The following GNB1L variants were observed in gnomAD, a reference collection of about 807,000 sequenced individuals.
GNB1L encodes the protein guanine nucleotide-binding protein subunit beta-like protein 1.
A neutral mutation model predicts 29.1 loss-of-function variants in GNB1L; 20 were observed. That is an observed-to-expected ratio of 0.69 (90% CI 0.48 to 1.00). The LOEUF (loss-of-function observed/expected upper bound fraction) is 1.00, where lower values mean the gene tolerates loss of function less well. Among genes scored for constraint, GNB1L ranks in the 50% least tolerant of loss-of-function variants. The probability of loss-of-function intolerance (pLI) is 0.00; values close to 1 mark genes in which losing one functional copy is unlikely to be tolerated. For missense variants in GNB1L, 421 were observed against 464.9 expected, an observed-to-expected ratio of 0.91 and a Z score of 0.87; for synonymous variants, 193 against 206.5, an observed-to-expected ratio of 0.93 and a Z score of 0.56.
intron 7 of GNB1L, among the ~76,000 whole-genome samples, chr22:19,789,407 C>T (rs1454001745): frequency 1.3e-5 from 2 of 152,184 alleles, no homozygotes; most frequent in Non-Finnish European, 2.9e-5. Flanking sequence ...GTGAGAAATA[C>T]AAACTCCATT....
chr22:19,792,136 T>G (rs547469783), intron 7 of GNB1L, among the ~76,000 whole-genome samples: 1 of 152,316 alleles, frequency 6.6e-6, no homozygotes, highest in East Asian at 1.9e-4. Flanking sequence ...GTAGACATGC[T>G]AAGAAGCAGG....
intron 2 of GNB1L, among the ~76,000 whole-genome samples, chr22:19,854,057 T>C (rs1938176485): frequency 1.3e-5 from 2 of 152,214 alleles, no homozygotes; most frequent in African/African-American, 4.8e-5. Context: ...CCAGGCCTGC[T>C]TTGGGCCTGA....
intron 7 of GNB1L, among the ~76,000 whole-genome samples, chr22:19,800,485 G>C (rs1937356621): frequency 6.6e-6 from 1 of 152,178 alleles, no homozygotes; most frequent in Admixed American, 6.5e-5. Context: ...GAGTGCAAGG[G>C]AGACGCCCCT....
At chr22:19,793,450 T>C (rs1937273786) in intron 7 of GNB1L, among the ~76,000 whole-genome samples, 1 of 152,178 alleles carries the variant, frequency 6.6e-6, no homozygotes, top group Admixed American at 6.5e-5. Flanking sequence ...GGCCATGGGA[T>C]GCTATCAAAC....
chr22:19,847,048 G>A, intron 2 of GNB1L: 1 of 985,446 alleles, frequency 1.0e-6, no homozygotes, highest in Non-Finnish European at 1.2e-6. Context: ...ATGATCAGCT[G>A]CTGCCGTCCT....
intron 2 of GNB1L, among the ~76,000 whole-genome samples, chr22:19,825,786 T>C (rs889308814): frequency 6.7e-6 from 1 of 150,332 alleles, no homozygotes; most frequent in Non-Finnish European, 1.5e-5. Flanking sequence ...CAGACCCCCA[T>C]CTCTACAAAA....
chr22:19,849,462 G>T, intron 2 of GNB1L: 1 of 315,366 alleles, frequency 3.2e-6, no homozygotes, highest in Non-Finnish European at 4.6e-6. Flanking sequence ...TCTGCCTCCT[G>T]GGTTCAAGCA....
At chr22:19,850,029 A>G in intron 2 of GNB1L, 3 of 985,600 alleles carry the variant, frequency 3.0e-6, no homozygotes, top group Non-Finnish European at 3.6e-6. Flanking sequence ...CTTCACCTAC[A>G]GCTCTCGGAA....
chr22:19,821,405 C>T, intron 2 of GNB1L, 30 bp from the exon 3 acceptor site: 1 of 1,599,138 alleles, frequency 6.3e-7, no homozygotes, highest in Non-Finnish European at 8.5e-7. Flanking sequence ...GTGTGAGTGA[C>T]TGCGTCCCTA....
At chr22:19,793,604 A>G (rs1356213338) in intron 7 of GNB1L, among the ~76,000 whole-genome samples, 2 of 152,208 alleles carry the variant, frequency 1.3e-5, no homozygotes, top group African/African-American at 4.8e-5. Context: ...AAGAAGAAAA[A>G]TCTATCTAGG....
chr22:19,814,133 A>G (rs1937516574), intron 4 of GNB1L, among the ~76,000 whole-genome samples: 2 of 152,206 alleles, frequency 1.3e-5, no homozygotes, highest in Admixed American at 6.5e-5. Context: ...CTCATGAGTG[A>G]ATGTGTATTA....
At chr22:19,849,972 C>T (rs1031658699) in intron 2 of GNB1L, 52 of 985,514 alleles carry the variant, frequency 5.3e-5, no homozygotes, top group South Asian at 9.4e-5. Flanking sequence ...TCATTCCATT[C>T]CTCTGGGCCT....
At chr22:19,799,431 C>T (rs1225987257) in intron 7 of GNB1L, among the ~76,000 whole-genome samples, 1 of 152,256 alleles carries the variant, frequency 6.6e-6, no homozygotes, top group African/African-American at 2.4e-5. Flanking sequence ...GTCACCACCG[C>T]GGCCCCTGGC....
chr22:19,794,860 A>G (rs1937288866), intron 7 of GNB1L, among the ~76,000 whole-genome samples: 1 of 152,158 alleles, frequency 6.6e-6, no homozygotes, highest in South Asian at 2.1e-4. Flanking sequence ...GTGTGCCTGT[A>G]ATCCCAGCTA....
At position 19,850,122 on chromosome 22, in the gene GNB1L, C is replaced by A. The variant is rs543468765; in HGVS notation, c.-21+4321G>T. The A allele has an allele frequency of 7.5e-5, 74 of 985,590 alleles. No individual in the cohort carries two copies. In the African/African-American group the frequency reaches 1.1e-3, roughly 15 times the overall value. 61.1% of individuals were successfully genotyped at this position (985,590 alleles called of 1,614,324 possible). A position where few individuals can be genotyped will look rare whatever the true frequency, so the allele number is the denominator to read the frequency against. ...GATCAGACCCTTGGACCCTCAAAGC[C>A]CCTGCCAGAAACCACAGCTGCAATG... is the stretch of plus-strand genomic sequence containing the variant. On this transcript the variant is annotated intron_variant, in intron 2 of 7. Transcript: ENST00000329517.
At chr22:19,843,685 G>C (rs1264503534) in intron 2 of GNB1L, among the ~76,000 whole-genome samples, 1 of 152,228 alleles carries the variant, frequency 6.6e-6, no homozygotes, top group African/African-American at 2.4e-5. Flanking sequence ...TCAGTGCAGG[G>C]AGGGGAACCC....
At position 19,812,460 on chromosome 22, in the gene GNB1L, G is replaced by A; in HGVS notation, c.255-13C>T. On this transcript the variant is annotated splice_polypyrimidine_tract_variant and intron_variant, in intron 4 of 7. Transcript: ENST00000329517. The stretch of plus-strand genomic sequence containing the variant: ...GTCCCGGCCCTGACTGCCAGACAAA[G>A]AGGAGACAGGCCTGAGACTCCCCTT... 6.2e-7 allele frequency: 1 copy of A among 1,608,000 alleles called. No individual in the cohort carries two copies. The highest frequency in any genetic ancestry group is 8.5e-7 in the Non-Finnish European group (1 of 1,176,406).
intron 2 of GNB1L, among the ~76,000 whole-genome samples, chr22:19,835,721 T>C (rs1937754843): frequency 6.6e-6 from 1 of 152,150 alleles, no homozygotes; most frequent in African/African-American, 2.4e-5. Context: ...GTATGCTCTC[T>C]GATCATATGG....
chr22:19,788,616 C>T lies in GNB1L; in HGVS notation c.*93G>A, dbSNP rs1467353025. 2 of 1,493,804 alleles carry T rather than the reference C, an allele frequency of 1.3e-6. No individual in the cohort carries two copies. Among genetic ancestry groups the T allele is most frequent in the African/African-American group, 1.4e-5 (1 of 72,584 alleles). 92.5% of individuals were successfully genotyped at this position (1,493,804 alleles called of 1,614,324 possible). ...GGTCCTTGGGCCATGACTTGCTGGTCCTCAGAGGCCCTTGAGGTTTCAGGC... is the reference window on the plus strand; with the variant it reads ...GGTCCTTGGGCCATGACTTGCTGGTTCTCAGAGGCCCTTGAGGTTTCAGGC... On this transcript the variant is annotated 3_prime_UTR_variant, in exon 8 of 8. Transcript: ENST00000329517.
Sources: allele counts gnomAD v4.1 joint callset (sites outside exome capture counted in the v4.1 genomes callset), GRCh38; gene constraint gnomAD v4.1.1; transcripts MANE v1.5; gene names NCBI Gene and HGNC (gene_info 2026-07-23, HGNC 2026-07-21).